Variants in CNTRL observed in about 807,000 individuals in gnomAD.
CNTRL encodes 110 kDa centrosomal protein.
Under a neutral mutation model 303.7 loss-of-function variants are expected in CNTRL, and 233 were observed. That is an observed-to-expected ratio of 0.77 (90% CI 0.69 to 0.86). CNTRL has a LOEUF of 0.86. Among genes scored for constraint, CNTRL ranks in the 40% least tolerant of loss-of-function variants. The pLI is 0.00. For synonymous variants in CNTRL, 900 were observed against 922.2 expected (o/e 0.98, Z 0.44); for missense variants, 2,524 against 2,650.6 (o/e 0.95, Z 1.05).
At chr9:121,097,850 AG>A (rs1272388162) in intron 6 of CNTRL, among the ~76,000 whole-genome samples, 1 of 152,190 alleles carries the variant, frequency 6.6e-6, no homozygotes, top group African/African-American at 2.4e-5. Flanking sequence ...TTCACTTGGG[AG>A]AGAAGATTTA....
Position 121,088,169 on chromosome 9 carries a change from G to A in CNTRL, c.-31-127G>A, listed in dbSNP as rs1411046159. The A allele has an allele frequency of 6.6e-6, 4 of 607,596 alleles. No individual in the cohort carries two copies. The African/African-American group carries it at 7.4e-5, about 11-fold the overall frequency. The allele number at this position is 607,596 out of a possible 1,614,324, so 37.6% of individuals were successfully genotyped here. A position where few individuals can be genotyped will look rare whatever the true frequency, so the allele number is the denominator to read the frequency against. On this transcript the variant is annotated intron_variant, in intron 2 of 43. Coordinates refer to ENST00000373855, the MANE Select transcript of CNTRL (RefSeq NM_007018.6). ...ATACAGTGTCTGCTCCATCAGCTTG[G>A]AGTAGTATGGGTCCTAGCATTTATG...
rs920175082 is a variant in CNTRL, at chr9:121,112,954, T to C, written c.1122+376T>C. 2.6e-5 allele frequency among the ~76,000 whole-genome samples: 4 copies of C among 152,196 alleles called. No individual in the cohort carries two copies. The East Asian group carries it at 5.8e-4, about 22-fold the overall frequency. On this transcript the variant is annotated intron_variant, in intron 9 of 43. Transcript: ENST00000373855. Reference sequence around the variant, plus strand: ...CTTACATGGTTTGTTCAGTAATTACTGGGTTCAGTATTAATCAATCATGAC... The same window carrying C: ...CTTACATGGTTTGTTCAGTAATTACCGGGTTCAGTATTAATCAATCATGAC...
At chr9:121,138,493 C>A (rs2051317903) in intron 15 of CNTRL, 52 bp from the exon 16 acceptor site, 5 of 1,566,464 alleles carry the variant, frequency 3.2e-6, no homozygotes, top group South Asian at 1.2e-5. Flanking sequence ...CTTTTAAAAT[C>A]ATAAATTATT....
chr9:121,145,493 C>A, intron 22 of CNTRL, 108 bp downstream of exon 22: 2 of 1,103,768 alleles, frequency 1.8e-6, no homozygotes, highest in Non-Finnish European at 2.6e-6. Context: ...ATGCTTGATT[C>A]AGAGAGCTGT....
At chr9:121,101,309 T>A (rs1239110707) in intron 7 of CNTRL, among the ~76,000 whole-genome samples, 1 of 152,176 alleles carries the variant, frequency 6.6e-6, no homozygotes, top group Non-Finnish European at 1.5e-5. Context: ...TACTGGGTAC[T>A]TAATGAAATG....
At position 121,096,670 on chromosome 9, in the gene CNTRL, C is replaced by T. The variant is rs540827298; in HGVS notation, c.621+107C>T. On this transcript the variant is annotated intron_variant, in intron 6 of 43. Coordinates refer to ENST00000373855, the MANE Select transcript of CNTRL (RefSeq NM_007018.6). ...ATTTCTTCTTTTAAAGATTTTGCTC[C>T]TTTGACTAAACACTAGATTCAGACA... 8 of 901,070 alleles carry T rather than the reference C, an allele frequency of 8.9e-6. No homozygotes were observed. The African/African-American group carries it at 1.4e-4, about 15-fold the overall frequency. 55.8% of individuals were successfully genotyped at this position (901,070 alleles called of 1,614,324 possible).
chr9:121,162,388 TC>T, intron 34 of CNTRL, 117 bp downstream of exon 34: 1 of 827,310 alleles, frequency 1.2e-6, no homozygotes, highest in Non-Finnish European at 1.9e-6. Context: ...AAACTTGGTA[TC>T]ATAATACATT....
chr9:121,078,179 G>T (rs2048002339), intron 1 of CNTRL, among the ~76,000 whole-genome samples: 3 of 152,132 alleles, frequency 2.0e-5, no homozygotes. Context: ...GGCCGAGGTG[G>T]GTGGATCACC....
intron 14 of CNTRL, among the ~76,000 whole-genome samples, chr9:121,131,937 C>G (rs1387625735): frequency 2.0e-5 from 3 of 152,154 alleles, no homozygotes; most frequent in Non-Finnish European, 1.5e-5. Flanking sequence ...AAATTATTTT[C>G]TTTTAAGAAT....
chr9:121,164,847 T>C (rs2053020079), intron 34 of CNTRL, 96 bp from the exon 35 acceptor site: 1 of 891,410 alleles, frequency 1.1e-6, no homozygotes, highest in Non-Finnish European at 1.6e-6. Flanking sequence ...CATTTATACT[T>C]TCCATAACTG....
intron 19 of CNTRL, 99 bp from the exon 20 acceptor site, chr9:121,143,804 A>T: frequency 1.2e-6 from 1 of 824,818 alleles, no homozygotes; most frequent in South Asian, 1.8e-5. Context: ...GTATTGTTCT[A>T]GGCAGCAGTG....
chr9:121,093,526 C>T (rs1430649654), intron 4 of CNTRL, among the ~76,000 whole-genome samples: 4 of 152,018 alleles, frequency 2.6e-5, no homozygotes, highest in Non-Finnish European at 4.4e-5. Context: ...GTATAGTCAA[C>T]CTGTAGAATA....
chr9:121,173,678 G>T lies in CNTRL; in HGVS notation c.6688G>T (p.Glu2230Ter). The change falls in exon 42 of 44, where the codon GAA (glutamate) becomes TAA (stop). Residue 2230 changes from glutamate to a stop codon, truncating the protein, a stop_gained. Coordinates refer to ENST00000373855, the MANE Select transcript of CNTRL (RefSeq NM_007018.6). LOFTEE classifies it high-confidence loss of function. ...LNFSQVHIMDEHWRGEALREK... is the reference protein window; with the variant it reads ...LNFSQVHIMD ...CTCTATTTTCCCTCTGAGAAAGGAT[G>T]AACACTGGCGTGGAGAAGCACTCCG... 1 of 1,614,110 alleles carries T rather than the reference G, an allele frequency of 6.2e-7. No individual in the cohort carries two copies. The highest frequency in any genetic ancestry group is 1.1e-5 in the South Asian group (1 of 91,070).
chr9:121,123,107 GC>G (rs1317504302), intron 12 of CNTRL, among the ~76,000 whole-genome samples: 2 of 151,790 alleles, frequency 1.3e-5, no homozygotes, highest in Non-Finnish European at 2.9e-5. Context: ...TATTAAAAAG[GC>G]ATTACTTATC....
At chr9:121,152,994 T>C (rs2052365794) in intron 26 of CNTRL, among the ~76,000 whole-genome samples, 1 of 152,178 alleles carries the variant, frequency 6.6e-6, no homozygotes, top group African/African-American at 2.4e-5. Context: ...GTATAACCAT[T>C]TCCCCTCTCC....
At chr9:121,137,271 T>A (rs1376932463) in intron 15 of CNTRL, among the ~76,000 whole-genome samples, 1 of 152,204 alleles carries the variant, frequency 6.6e-6, no homozygotes, top group Non-Finnish European at 1.5e-5. Flanking sequence ...GGACTCTACT[T>A]TGGTTTTCCT....
At chr9:121,155,979 GA>G (rs2052547184) in intron 27 of CNTRL, among the ~76,000 whole-genome samples, 2 of 152,064 alleles carry the variant, frequency 1.3e-5, no homozygotes, top group African/African-American at 4.8e-5. Context: ...ATTTATTAAA[GA>G]AATTCTGTGA....
At position 121,169,815 on chromosome 9, in the gene CNTRL, T is replaced by C; in HGVS notation, c.6275T>C (p.Leu2092Pro). The change falls in exon 39 of 44, where the codon CTT becomes CCT. Residue 2092 changes from leucine to proline, a missense_variant and splice_region_variant. Physicochemically the swap from Leu to Pro is moderately conservative, Grantham distance 98. Transcript: ENST00000373855. ...CGGAGCCAGCTGGAGAAAAACCTTC[T>C]TGTGAGTACCTGCTGCCGTGGCAGT... ...IQRSQLEKNLLEQKQENSCIQ... is the reference protein window; with the variant it reads ...IQRSQLEKNLPEQKQENSCIQ... The C allele has an allele frequency of 2.5e-6, 4 of 1,613,522 alleles. No individual in the cohort carries two copies. The highest frequency in any genetic ancestry group is 2.2e-5 in the East Asian group (1 of 44,888).
intron 27 of CNTRL, among the ~76,000 whole-genome samples, chr9:121,156,203 A>G (rs983586899): frequency 1.3e-5 from 2 of 151,960 alleles, no homozygotes; most frequent in African/African-American, 4.8e-5. Context: ...ATATTAATAT[A>G]TATAGGTATA....
Sources: gnomAD v4.1 joint callset for allele counts (sites outside exome capture counted in the v4.1 genomes callset) on GRCh38, gnomAD v4.1.1 for gene constraint, MANE v1.5 for transcripts, NCBI Gene and HGNC (gene_info 2026-07-23, HGNC 2026-07-21) for gene names.